Variants in NOL4L observed in about 807,000 individuals in gnomAD.
NOL4L encodes nucleolar protein 4-like.
Under a neutral mutation model 64.5 loss-of-function variants are expected in NOL4L, and 7 were observed. The observed-to-expected ratio is 0.11, with a 90% confidence interval of 0.06 to 0.20. The LOEUF (loss-of-function observed/expected upper bound fraction) is 0.20, where lower values mean the gene tolerates loss of function less well. Among genes scored for constraint, NOL4L ranks in the 10% least tolerant of loss-of-function variants. The pLI, the probability that NOL4L is intolerant of heterozygous loss-of-function variation, is 1.00. For missense variants in NOL4L, 680 were observed against 967.1 expected (o/e 0.70, Z 3.94); for synonymous variants, 413 against 401.0 (o/e 1.03, Z -0.36).
chr20:32,505,954 AATAG>A (rs1273697041), intron 4 of NOL4L, among the ~76,000 whole-genome samples: 1 of 152,112 alleles, frequency 6.6e-6, no homozygotes, highest in East Asian at 1.9e-4. Flanking sequence ...AAATTTTGGA[AATAG>A]ATAGTTGGTG....
chr20:32,508,853 T>G (rs1243288222), intron 4 of NOL4L, among the ~76,000 whole-genome samples: 2 of 152,230 alleles, frequency 1.3e-5, no homozygotes, highest in African/African-American at 2.4e-5. Context: ...CAGGTGCTTA[T>G]GCACACAACA....
intron 1 of NOL4L, among the ~76,000 whole-genome samples, chr20:32,569,196 G>C (rs1979615360): frequency 2.0e-5 from 3 of 152,148 alleles, no homozygotes; most frequent in Admixed American, 2.0e-4. Flanking sequence ...CCTCCCTGAG[G>C]AGGTGACATT....
At chr20:32,553,031 T>C (rs771784850) in intron 1 of NOL4L, among the ~76,000 whole-genome samples, 2 of 152,158 alleles carry the variant, frequency 1.3e-5, no homozygotes, top group African/African-American at 2.4e-5. Flanking sequence ...TGAGGAATCC[T>C]ACTTTACAGT....
chr20:32,462,480 C>G (rs1221629707), intron 5 of NOL4L, among the ~76,000 whole-genome samples: 2 of 152,176 alleles, frequency 1.3e-5, no homozygotes, highest in African/African-American at 4.8e-5. Context: ...GGCTGCAACC[C>G]TCACACCCAC....
At chr20:32,474,841 A>C (rs957546750) in intron 4 of NOL4L, 99 bp from the exon 5 acceptor site, 17 of 1,454,700 alleles carry the variant, frequency 1.2e-5, no homozygotes, top group Non-Finnish European at 1.5e-5. Context: ...GGCGTTTGGG[A>C]GTGCCCTGAA....
chr20:32,542,998 C>T (rs1480712596), intron 1 of NOL4L, among the ~76,000 whole-genome samples: 2 of 152,196 alleles, frequency 1.3e-5, no homozygotes, highest in Non-Finnish European at 2.9e-5. Context: ...TCGATAAACA[C>T]GAGCTCTCTT....
At chr20:32,516,713 A>G (rs1216414753) in intron 3 of NOL4L, among the ~76,000 whole-genome samples, 1 of 152,198 alleles carries the variant, frequency 6.6e-6, no homozygotes, top group Non-Finnish European at 1.5e-5. Context: ...TCCCACAGCA[A>G]GCAAGTGTGA....
At chr20:32,470,343 G>C (rs534315571) in intron 5 of NOL4L, among the ~76,000 whole-genome samples, 1 of 152,246 alleles carries the variant, frequency 6.6e-6, no homozygotes, top group Non-Finnish European at 1.5e-5. Context: ...TGCAGGAGGC[G>C]CACTGGCTCA....
At chr20:32,566,112 C>T (rs1351387202) in intron 1 of NOL4L, among the ~76,000 whole-genome samples, 1 of 152,198 alleles carries the variant, frequency 6.6e-6, no homozygotes, top group Non-Finnish European at 1.5e-5. Flanking sequence ...AGGCTGGGCA[C>T]TTACACACAT....
chr20:32,499,340 TG>T (rs1464545770), intron 4 of NOL4L, among the ~76,000 whole-genome samples: 1 of 152,190 alleles, frequency 6.6e-6, no homozygotes, highest in Admixed American at 6.5e-5. Context: ...CAAAGAGGCC[TG>T]GGATAAAGTG....
chr20:32,549,432 G>T (rs1325241915), intron 1 of NOL4L, among the ~76,000 whole-genome samples: 1 of 152,092 alleles, frequency 6.6e-6, no homozygotes, highest in African/African-American at 2.4e-5. Flanking sequence ...ACACCCACTA[G>T]GATGGCTCTA....
intron 4 of NOL4L, among the ~76,000 whole-genome samples, chr20:32,499,160 A>G (rs2016816514): frequency 6.6e-6 from 1 of 152,128 alleles, no homozygotes; most frequent in African/African-American, 2.4e-5. Flanking sequence ...TACAGGCGTG[A>G]GCCACTGCTC....
intron 3 of NOL4L, 145 bp from the exon 4 acceptor site, chr20:32,511,601 C>G (rs2017408742): frequency 1.8e-6 from 1 of 546,634 alleles, no homozygotes; most frequent in Non-Finnish European, 3.3e-6. Flanking sequence ...GTGGCTCACC[C>G]ACATCTGGCC....
At chr20:32,574,294 T>C (rs1979950340) in intron 1 of NOL4L, among the ~76,000 whole-genome samples, 2 of 152,206 alleles carry the variant, frequency 1.3e-5, no homozygotes, top group Non-Finnish European at 2.9e-5. Context: ...ACATTTCACA[T>C]GGATTCTTGC....
chr20:32,454,332 G>A (rs2013253553), intron 6 of NOL4L, among the ~76,000 whole-genome samples: 1 of 152,220 alleles, frequency 6.6e-6, no homozygotes. Context: ...CGTTCCCGCA[G>A]CTCCTGAGCT....
At chr20:32,465,987 T>TC (rs919327958) in intron 5 of NOL4L, among the ~76,000 whole-genome samples, 1 of 150,446 alleles carries the variant, frequency 6.6e-6, no homozygotes, top group Non-Finnish European at 1.5e-5. Flanking sequence ...ATTCTTTTTT[T>TC]TTTTTTTTTT....
rs2014244075 is a variant in NOL4L at position 32,463,159 on chromosome 20, C to CA, written c.842-6765dup. 6.6e-6 allele frequency among the ~76,000 whole-genome samples: 1 copy of CA among 152,194 alleles called. No individual in the cohort carries two copies. The highest frequency in any genetic ancestry group is 6.5e-5 in the Admixed American group (1 of 15,284). ...GCTGGCTCCATGGGCACCGAAGCCCCAGCACACAGGCCTCACGGGGTGCAG... is the reference window on the plus strand; with the variant it reads ...GCTGGCTCCATGGGCACCGAAGCCCCAAGCACACAGGCCTCACGGGGTGCAG... On this transcript the variant is annotated intron_variant, in intron 5 of 10. Coordinates refer to ENST00000621426, the MANE Select transcript of NOL4L (RefSeq NM_001256798.2). This position sits in a 1 kb window ranked among gnomAD's most constrained non-coding sequence, Gnocchi z 5.8.
chr20:32,556,752 G>GGTGGGCCTGGCAGAGGTC (rs1978678772), intron 1 of NOL4L, among the ~76,000 whole-genome samples: 2 of 152,206 alleles, frequency 1.3e-5, no homozygotes, highest in African/African-American at 4.8e-5. Flanking sequence ...TCTGAGCCGA[G>GGTGGGCCTGGCAGAGGTC]GTGGGCCTGG....
rs1240885548 is a variant in NOL4L, at chr20:32,444,931, A to G, written c.*2665T>C. 1 of 136,198 alleles carries G rather than the reference A, an allele frequency of 7.3e-6. No homozygotes were observed. The highest frequency in any genetic ancestry group is 1.5e-5 in the Non-Finnish European group (1 of 64,842). 8.4% of individuals were successfully genotyped at this position (136,198 alleles called of 1,614,324 possible). ...AGTCGGGAGTAGGGGGAAGGGGTTG[A>G]AGCTGCATCTTTTAAAACAAAAGCA... On this transcript the variant is annotated 3_prime_UTR_variant, in exon 11 of 11. Transcript: ENST00000621426.
Sources: gnomAD v4.1 joint callset for allele counts (sites outside exome capture counted in the v4.1 genomes callset) on GRCh38, gnomAD v4.1.1 for gene constraint, Gnocchi (gnomAD v3.1) non-coding constraint, MANE v1.5 for transcripts, NCBI Gene and HGNC (gene_info 2026-07-23, HGNC 2026-07-21) for gene names.